KHDRBS2: variants seen among roughly 807,000 people sequenced by gnomAD.
KHDRBS2 encodes the protein KH RNA binding domain containing, signal transduction associated 2.
KHDRBS2 carries 26 observed loss-of-function variants against 44.3 expected under a neutral mutation model. The ratio of observed to expected loss-of-function variants is 0.59; its 90% CI spans 0.43 to 0.81. The LOEUF (loss-of-function observed/expected upper bound fraction) is 0.81, where lower values mean the gene tolerates loss of function less well. KHDRBS2 is among the 40% of genes least tolerant of loss of function. The pLI is 0.00. For synonymous variants in KHDRBS2, 194 were observed against 151.1 expected, an observed-to-expected ratio of 1.28 and a Z score of -2.08; for missense variants, 476 against 433.1, an observed-to-expected ratio of 1.10 and a Z score of -0.88.
At chr6:61,777,201 A>G (rs1411552788) in intron 6 of KHDRBS2, among the ~76,000 whole-genome samples, 1 of 152,130 alleles carries the variant, frequency 6.6e-6, no homozygotes, top group Non-Finnish European at 1.5e-5. Context: ...TGATGAGTTA[A>G]TGGGTGCAGC....
intron 6 of KHDRBS2, among the ~76,000 whole-genome samples, chr6:61,892,729 T>C (rs1451715717): frequency 6.6e-6 from 1 of 152,180 alleles, no homozygotes; most frequent in Non-Finnish European, 1.5e-5. Flanking sequence ...ATCCCTTCCT[T>C]ACACCTTATA....
intron 1 of KHDRBS2, among the ~76,000 whole-genome samples, chr6:62,234,668 CA>C (rs1471481730): frequency 6.6e-6 from 1 of 152,016 alleles, no homozygotes; most frequent in Non-Finnish European, 1.5e-5. Flanking sequence ...TTAATTTCAT[CA>C]AATACCTAAT....
At chr6:61,577,466 C>T in the KHDRBS2 span, among the ~76,000 whole-genome samples, 32 of 152,050 alleles carry the variant, frequency 2.1e-4, no homozygotes, top group African/African-American at 7.0e-4. Flanking sequence ...TGATCCAATA[C>T]CAGCAAATTG....
intron 2 of KHDRBS2, among the ~76,000 whole-genome samples, chr6:62,165,116 TA>T (rs1156737667): frequency 1.3e-5 from 2 of 151,922 alleles, no homozygotes; most frequent in African/African-American, 4.8e-5. Flanking sequence ...GCAGAAGTTT[TA>T]AATTTATGTT....
chr6:61,663,961 A>G, the KHDRBS2 span, among the ~76,000 whole-genome samples: 13 of 151,806 alleles, frequency 8.6e-5, no homozygotes, highest in Non-Finnish European at 1.9e-4. Flanking sequence ...AAAAGTTTGG[A>G]AAGAATTGAT....
At chr6:62,003,021 A>G (rs563619479) in intron 3 of KHDRBS2, among the ~76,000 whole-genome samples, 68 of 152,154 alleles carry the variant, frequency 4.5e-4, no homozygotes, top group Non-Finnish European at 8.4e-4. Flanking sequence ...TAATGTATAT[A>G]AAATCTAATC....
intron 6 of KHDRBS2, among the ~76,000 whole-genome samples, chr6:61,764,871 C>T (rs1343267041): frequency 6.6e-6 from 1 of 151,916 alleles, no homozygotes. Context: ...TGTGTAGAAG[C>T]TGATAAAGAC....
At chr6:62,162,722 T>C (rs1237171773) in intron 2 of KHDRBS2, among the ~76,000 whole-genome samples, 1 of 152,084 alleles carries the variant, frequency 6.6e-6, no homozygotes, top group Non-Finnish European at 1.5e-5. Context: ...GCCTCCTACT[T>C]CATCATCCTC....
chr6:61,754,228 T>C (rs1481724098), intron 6 of KHDRBS2, among the ~76,000 whole-genome samples: 10 of 152,312 alleles, frequency 6.6e-5, no homozygotes, highest in Middle Eastern at 3.4e-3. Flanking sequence ...CGTTAAAAGC[T>C]GTCTATGTTA....
intron 2 of KHDRBS2, among the ~76,000 whole-genome samples, chr6:62,168,060 T>C (rs911023912): frequency 1.3e-5 from 2 of 152,140 alleles, no homozygotes; most frequent in Non-Finnish European, 2.9e-5. Context: ...GGCTGCCCCT[T>C]TTTCTGGGAC....
chr6:62,060,277 T>G (rs926042800), intron 2 of KHDRBS2, among the ~76,000 whole-genome samples: 1 of 151,754 alleles, frequency 6.6e-6, no homozygotes, highest in East Asian at 2.0e-4. Context: ...AGGGTTTGAA[T>G]TGAGGGATGG....
intron 1 of KHDRBS2, among the ~76,000 whole-genome samples, chr6:62,178,764 TTC>T (rs1409771534): frequency 6.6e-6 from 1 of 151,580 alleles, no homozygotes; most frequent in Non-Finnish European, 1.5e-5. Context: ...CAGTAAATAT[TTC>T]TTTTTGTTCT....
the KHDRBS2 span, among the ~76,000 whole-genome samples, chr6:61,580,384 A>G: frequency 2.0e-5 from 3 of 152,108 alleles, no homozygotes; most frequent in African/African-American, 7.2e-5. Context: ...CACTCTGTAA[A>G]ATAGACCAAT....
chr6:61,695,235 A>AAACAAACAAACC (rs1159674012), intron 8 of KHDRBS2, among the ~76,000 whole-genome samples: 4 of 151,872 alleles, frequency 2.6e-5, no homozygotes, highest in African/African-American at 4.8e-5. Flanking sequence ...ACAAACAAAC[A>AAACAAACAAACC]AACAAACAAA....
At chr6:62,103,454 T>A (rs208979) in intron 2 of KHDRBS2, among the ~76,000 whole-genome samples, 1 of 152,110 alleles carries the variant, frequency 6.6e-6, no homozygotes, top group Non-Finnish European at 1.5e-5. Flanking sequence ...TTGGTCACAA[T>A]GTTGTTCTGC....
chr6:62,125,859 T>C (rs1584852114), intron 2 of KHDRBS2, among the ~76,000 whole-genome samples: 1 of 152,152 alleles, frequency 6.6e-6, no homozygotes, highest in South Asian at 2.1e-4. Context: ...AGTATTCACC[T>C]TGGGCCTTGG....
chr6:62,160,246 T>C (rs951427094), intron 2 of KHDRBS2, among the ~76,000 whole-genome samples: 4 of 152,148 alleles, frequency 2.6e-5, no homozygotes, highest in African/African-American at 9.6e-5. Flanking sequence ...AAAGATAATA[T>C]ATGCTATGGG....
intron 6 of KHDRBS2, among the ~76,000 whole-genome samples, chr6:61,743,771 T>TCCCCCCCC (rs528609380): frequency 7.2e-5 from 9 of 125,070 alleles, no homozygotes; most frequent in South Asian, 5.3e-4. Flanking sequence ...CTTAATGCTA[T>TCCCCCCCC]CCCCCCCCTC....
intron 6 of KHDRBS2, among the ~76,000 whole-genome samples, chr6:61,753,545 A>G (rs1380881427): frequency 6.6e-6 from 1 of 152,202 alleles, no homozygotes; most frequent in Non-Finnish European, 1.5e-5. Context: ...GTTAATCAAT[A>G]GGATCTTTTG....
Sources: allele counts gnomAD v4.1 joint callset (sites outside exome capture counted in the v4.1 genomes callset), GRCh38; gene constraint gnomAD v4.1.1; transcripts MANE v1.5; gene names NCBI Gene and HGNC (gene_info 2026-07-23, HGNC 2026-07-21).